Variants in DNM1L observed in about 807,000 individuals in gnomAD.
DNM1L encodes the protein dynamin 1L.
In DNM1L, 33 loss-of-function variants were observed where a neutral mutation model predicts 92.8. That is an observed-to-expected ratio of 0.36 (90% CI 0.27 to 0.48). The LOEUF (loss-of-function observed/expected upper bound fraction) is 0.48, where lower values mean the gene tolerates loss of function less well. Among genes scored for constraint, DNM1L ranks in the 20% least tolerant of loss-of-function variants. DNM1L has a pLI of 0.99. For synonymous variants in DNM1L, 284 were observed against 305.0 expected, an observed-to-expected ratio of 0.93 and a Z score of 0.72; for missense variants, 485 against 888.8, an observed-to-expected ratio of 0.55 and a Z score of 5.78.
At chr12:32,717,463 A>AATATATACTATATATATTATAT (rs1201299504) in intron 6 of DNM1L, among the ~76,000 whole-genome samples, 1 of 68,586 alleles carries the variant, frequency 1.5e-5, no homozygotes, top group Non-Finnish European at 2.5e-5. Flanking sequence ...ATATATTTTA[A>AATATATACTATATATATTATAT]ATATATAGTA....
intron 8 of DNM1L, 61 bp from the exon 9 acceptor site, chr12:32,722,366 T>C: frequency 1.4e-6 from 2 of 1,451,162 alleles, no homozygotes; most frequent in Non-Finnish European, 1.9e-6. Context: ...AAATTTGACT[T>C]GTTTAGGGCT....
chr12:32,706,574 T>C (rs1952935911), intron 2 of DNM1L: 1 of 396,188 alleles, frequency 2.5e-6, no homozygotes, highest in South Asian at 1.9e-5. Flanking sequence ...TTTCAGCAAG[T>C]ACAAGAGGAA....
At chr12:32,709,100 C>G (rs566563084) in intron 4 of DNM1L, among the ~76,000 whole-genome samples, 4 of 152,224 alleles carry the variant, frequency 2.6e-5, no homozygotes, top group Non-Finnish European at 4.4e-5. Context: ...TATGACTGTT[C>G]AGGATATTTG....
chr12:32,692,813 C>T (rs967741704), intron 1 of DNM1L: 4 of 152,198 alleles, frequency 2.6e-5, no homozygotes, highest in Non-Finnish European at 5.9e-5. Flanking sequence ...GGAAGTTCCA[C>T]TCACTATCAG....
intron 1 of DNM1L, among the ~76,000 whole-genome samples, chr12:32,685,835 A>G (rs534552836): frequency 2.0e-5 from 3 of 151,982 alleles, no homozygotes; most frequent in South Asian, 4.2e-4. Flanking sequence ...CTTTTTTCAT[A>G]GTTTGATGTC....
intron 2 of DNM1L, 77 bp from the exon 3 acceptor site, chr12:32,707,290 T>TA: frequency 1.7e-6 from 2 of 1,177,458 alleles, no homozygotes; most frequent in Non-Finnish European, 2.5e-6. Flanking sequence ...AGTGTTTTAT[T>TA]ATGTTGCCTT....
chr12:32,732,919 A>G (rs1221728747), intron 12 of DNM1L, among the ~76,000 whole-genome samples: 1 of 152,120 alleles, frequency 6.6e-6, no homozygotes, highest in Non-Finnish European at 1.5e-5. Flanking sequence ...CAACATGGAG[A>G]AACCCCCTCT....
At chr12:32,694,170 G>A (rs752584382) in intron 1 of DNM1L, among the ~76,000 whole-genome samples, 112 of 152,104 alleles carry the variant, frequency 7.4e-4, no homozygotes, top group African/African-American at 2.3e-3. Flanking sequence ...TACAACCTCC[G>A]CCTCCTGGGT....
At chr12:32,694,269 T>G (rs1269346469) in intron 1 of DNM1L, among the ~76,000 whole-genome samples, 3 of 151,662 alleles carry the variant, frequency 2.0e-5, no homozygotes, top group Admixed American at 2.0e-4. Context: ...TATTTTTAGT[T>G]GAGATGGGGT....
chr12:32,741,103 C>T (rs752476764), intron 18 of DNM1L, among the ~76,000 whole-genome samples: 1 of 152,162 alleles, frequency 6.6e-6, no homozygotes, highest in Non-Finnish European at 1.5e-5. Flanking sequence ...TTTTACTGCA[C>T]AGAGTAATAA....
At chr12:32,729,749 T>C (rs1954420906) in intron 9 of DNM1L, among the ~76,000 whole-genome samples, 1 of 152,198 alleles carries the variant, frequency 6.6e-6, no homozygotes, top group African/African-American at 2.4e-5. Context: ...TGTGAGCCAC[T>C]GTGCCTGGCC....
intron 12 of DNM1L, chr12:32,732,669 A>G (rs1435950858): frequency 2.3e-6 from 1 of 440,836 alleles, no homozygotes; most frequent in African/African-American, 2.0e-5. Flanking sequence ...TCTGATGTCT[A>G]AGACTGAATT....
At chr12:32,729,760 G>A (rs1954422266) in intron 9 of DNM1L, among the ~76,000 whole-genome samples, 2 of 152,064 alleles carry the variant, frequency 1.3e-5, no homozygotes, top group African/African-American at 4.8e-5. Context: ...GTGCCTGGCC[G>A]AATTTACTTT....
Position 32,698,258 on chromosome 12 carries a change from G to A in DNM1L, c.103-3157G>A, listed in dbSNP as rs118097055. On this transcript the variant is annotated intron_variant, in intron 1 of 19. Transcript: ENST00000549701. Reference sequence around the variant, plus strand: ...GACAACATGAATGAGCCCCTATGTCGTCTGTCTTCTGATTTGGATGTGGAA... The same window carrying A: ...GACAACATGAATGAGCCCCTATGTCATCTGTCTTCTGATTTGGATGTGGAA... Among the ~76,000 whole-genome samples, 138 of 152,206 alleles carry A rather than the reference G, an allele frequency of 9.1e-4. 3 individuals are homozygous for A. In the East Asian group the frequency reaches 0.024, roughly 26 times the overall value.
At chr12:32,717,390 AG>A (rs1953490836) in intron 6 of DNM1L, among the ~76,000 whole-genome samples, 1 of 67,480 alleles carries the variant, frequency 1.5e-5, no homozygotes, top group African/African-American at 6.6e-5. Context: ...TATAATATAT[AG>A]TATATATAAT....
chr12:32,680,200 A>G (rs981421741), intron 1 of DNM1L, among the ~76,000 whole-genome samples: 6 of 152,016 alleles, frequency 3.9e-5, no homozygotes, highest in African/African-American at 1.5e-4. Context: ...TGGTCTTCTC[A>G]TAGCTAACTC....
At chr12:32,715,636 A>G (rs1281160808) in intron 6 of DNM1L, among the ~76,000 whole-genome samples, 4 of 152,074 alleles carry the variant, frequency 2.6e-5, no homozygotes, top group Non-Finnish European at 5.9e-5. Flanking sequence ...GGAGGCTGAG[A>G]CATGAGAATC....
chr12:32,694,770 C>A (rs11052180), intron 1 of DNM1L, among the ~76,000 whole-genome samples: 23,422 of 152,110 alleles, frequency 0.15, 1,907 homozygotes, highest in Middle Eastern at 0.21. Context: ...GGGAACAAAC[C>A]ATTGTTATCC....
chr12:32,682,243 C>G (rs1158960140), intron 1 of DNM1L, among the ~76,000 whole-genome samples: 1 of 152,120 alleles, frequency 6.6e-6, no homozygotes, highest in Non-Finnish European at 1.5e-5. Context: ...AGTGATTCTC[C>G]TGCCTCAGCC....
Sources: gnomAD v4.1 joint callset for allele counts (sites outside exome capture counted in the v4.1 genomes callset) on GRCh38, gnomAD v4.1.1 for gene constraint, MANE v1.5 for transcripts, NCBI Gene and HGNC (gene_info 2026-07-23, HGNC 2026-07-21) for gene names.